The following HMGXB4 variants were observed in gnomAD, a reference collection of about 807,000 sequenced individuals.
The protein encoded by HMGXB4 is HMG domain-containing protein 4.
Under a neutral mutation model 63.9 loss-of-function variants are expected in HMGXB4, and 27 were observed. The ratio of observed to expected loss-of-function variants is 0.42; its 90% confidence interval spans 0.31 to 0.58. The LOEUF is 0.58. Ranked by LOEUF, HMGXB4 falls within the 20% of genes least tolerant of loss-of-function variation. The pLI is 0.13. For synonymous variants in HMGXB4, 264 were observed against 265.3 expected (o/e 0.99, Z 0.05); for missense variants, 624 against 700.7 (o/e 0.89, Z 1.24).
chr22:35,261,758 C>G (rs1303101225), intron 1 of HMGXB4: 2 of 152,124 alleles, frequency 1.3e-5, no homozygotes, highest in African/African-American at 4.8e-5. Flanking sequence ...TAAATTTGAA[C>G]AAATTCATGT....
At chr22:35,255,615 C>G (rs538555150), upstream of HMGXB4, among the ~76,000 whole-genome samples, 1 of 152,322 alleles carries the variant, frequency 6.6e-6, no homozygotes, top group South Asian at 2.1e-4. Context: ...GAGAATAAAG[C>G]TAACAGAGGA....
At chr22:35,256,091 G>A (rs1922388388), upstream of HMGXB4, among the ~76,000 whole-genome samples, 1 of 152,222 alleles carries the variant, frequency 6.6e-6, no homozygotes, top group South Asian at 2.1e-4. Flanking sequence ...TGCAGAGGGG[G>A]AGAGAGCATG....
intron 5 of HMGXB4, among the ~76,000 whole-genome samples, chr22:35,270,928 A>G (rs916079936): frequency 1.3e-5 from 2 of 152,086 alleles, no homozygotes. Context: ...TTAAAAATAT[A>G]TTTTCCTGGG....
At chr22:35,249,032 A>G in the HMGXB4 span, among the ~76,000 whole-genome samples, 2 of 152,220 alleles carry the variant, frequency 1.3e-5, no homozygotes, top group African/African-American at 4.8e-5. Context: ...CTATACACTT[A>G]GGCTATGCTA....
At chr22:35,277,402 G>A (rs544963623) in intron 5 of HMGXB4, among the ~76,000 whole-genome samples, 3 of 152,292 alleles carry the variant, frequency 2.0e-5, no homozygotes, top group African/African-American at 7.2e-5. Flanking sequence ...AGGCTGGAGG[G>A]CAATGGCACC....
At chr22:35,282,390 A>ATGGTCTCGATCTCC (rs1446211379) in intron 5 of HMGXB4, among the ~76,000 whole-genome samples, 2 of 152,002 alleles carry the variant, frequency 1.3e-5, no homozygotes, top group Non-Finnish European at 2.9e-5. Context: ...GTTAGCCAGG[A>ATGGTCTCGATCTCC]TGACCTCGTG....
At chr22:35,242,530 GCT>G in the HMGXB4 span, among the ~76,000 whole-genome samples, 3,260 of 144,842 alleles carry the variant, frequency 0.023, 18 homozygotes, top group Middle Eastern at 0.04. Context: ...ATAGTAATCT[GCT>G]CTCTCTCTCT....
chr22:35,247,497 T>C, the HMGXB4 span, among the ~76,000 whole-genome samples: 1 of 152,208 alleles, frequency 6.6e-6, no homozygotes, highest in African/African-American at 2.4e-5. Context: ...TCTTTCCAGT[T>C]AGCGCTCTCC....
rs758497662 is a variant in HMGXB4, at chr22:35,264,922, C to T, written c.534C>T (p.Asn178=). The change falls in exon 5 of 11, where the codon AAC becomes AAT. Residue 178 remains asparagine (N), a synonymous_variant. Transcript: ENST00000216106. ...KSKKMKPLYV[N]TETLTLREPD... ...AAAAAATGAAACCTCTCTATGTGAA[C>T]ACAGAGACACTGACCCTTCGGGAGC... The T allele has an allele frequency of 1.9e-6, 3 of 1,614,144 alleles. No individual in the cohort carries two copies. Among genetic ancestry groups the T allele is most frequent in the African/African-American group, 1.3e-5 (1 of 75,036 alleles).
intron 5 of HMGXB4, among the ~76,000 whole-genome samples, chr22:35,278,507 G>A (rs1167062105): frequency 6.6e-6 from 1 of 152,150 alleles, no homozygotes; most frequent in Non-Finnish European, 1.5e-5. Context: ...TTGCCATTGA[G>A]TTCCCAATAC....
chr22:35,276,982 T>C (rs1923948044), intron 5 of HMGXB4, among the ~76,000 whole-genome samples: 1 of 152,234 alleles, frequency 6.6e-6, no homozygotes, highest in African/African-American at 2.4e-5. Flanking sequence ...GTATAAGGAA[T>C]AGAAAATAAT....
At chr22:35,255,475 A>T (rs956399041), upstream of HMGXB4, among the ~76,000 whole-genome samples, 12 of 152,202 alleles carry the variant, frequency 7.9e-5, no homozygotes, top group African/African-American at 2.9e-4. Context: ...TGATCGTGCC[A>T]CTGCACTCCA....
chr22:35,275,361 C>G (rs1923849592), intron 5 of HMGXB4, among the ~76,000 whole-genome samples: 1 of 152,124 alleles, frequency 6.6e-6, no homozygotes. Context: ...CTCAGGTGAT[C>G]CACCTGCCTC....
chr22:35,288,879 T>C (rs974149986), intron 9 of HMGXB4, among the ~76,000 whole-genome samples: 2 of 152,198 alleles, frequency 1.3e-5, no homozygotes, highest in African/African-American at 4.8e-5. Context: ...TGGTGGCTTA[T>C]GCCTGTAATC....
At chr22:35,272,719 A>T (rs1923680324) in intron 5 of HMGXB4, among the ~76,000 whole-genome samples, 1 of 152,080 alleles carries the variant, frequency 6.6e-6, no homozygotes. Context: ...GTGGATCATG[A>T]GGTCAGGAGT....
chr22:35,261,402 C>G (rs1922847643), intron 1 of HMGXB4, among the ~76,000 whole-genome samples: 1 of 148,788 alleles, frequency 6.7e-6, no homozygotes, highest in African/African-American at 2.5e-5. Flanking sequence ...TGCCACTGCA[C>G]TCCAGCCTGG....
chr22:35,253,600 TGCGCGC>T (rs55731093), upstream of HMGXB4, among the ~76,000 whole-genome samples: 1,213 of 151,144 alleles, frequency 8.0e-3, 11 homozygotes, highest in African/African-American at 0.028. Context: ...TTGGATTTTG[TGCGCGC>T]GCGCGCGCGC....
chr22:35,258,107 G>T (rs967787083), intron 1 of HMGXB4: 1 of 152,258 alleles, frequency 6.6e-6, no homozygotes, highest in African/African-American at 2.4e-5. Flanking sequence ...AGCTGTTGCC[G>T]CAAAACTGCC....
chr22:35,285,901 C>A, intron 6 of HMGXB4, 96 bp from the exon 7 acceptor site: 1 of 885,210 alleles, frequency 1.1e-6, no homozygotes, highest in East Asian at 2.5e-5. Flanking sequence ...TAAATATGAG[C>A]TTCAAAACCC....
Sources: gnomAD v4.1 joint callset for allele counts (sites outside exome capture counted in the v4.1 genomes callset) on GRCh38, gnomAD v4.1.1 for gene constraint, MANE v1.5 for transcripts, NCBI Gene and HGNC (gene_info 2026-07-23, HGNC 2026-07-21) for gene names.